DEPDC5: variants seen among roughly 807,000 people sequenced by gnomAD.
DEPDC5 encodes the protein DEP domain containing 5, GATOR1 subcomplex subunit, also known as GATOR1 complex protein DEPDC5.
In DEPDC5, 73 loss-of-function variants were observed where a neutral mutation model predicts 217.3. The observed-to-expected ratio is 0.34, with a 90% CI of 0.28 to 0.41. The LOEUF is 0.41. DEPDC5 is among the 10% of genes least tolerant of loss of function. DEPDC5 has a pLI of 1.00. For synonymous variants in DEPDC5, 733 were observed against 756.7 expected, an observed-to-expected ratio of 0.97 and a Z score of 0.51; for missense variants, 1,675 against 2,070.1, an observed-to-expected ratio of 0.81 and a Z score of 3.70.
chr22:31,820,567 T>C (rs1017945159), intron 22 of DEPDC5, among the ~76,000 whole-genome samples: 1 of 152,148 alleles, frequency 6.6e-6, no homozygotes. Flanking sequence ...CTAAACCCCG[T>C]TCTGCCCCCT....
At chr22:31,781,632 G>T (rs2084453765) in intron 8 of DEPDC5, among the ~76,000 whole-genome samples, 1 of 151,878 alleles carries the variant, frequency 6.6e-6, no homozygotes, top group Non-Finnish European at 1.5e-5. Context: ...GTTTCACCAT[G>T]TTGCCCAGGC....
At chr22:31,872,574 A>G (rs2092876291) in intron 34 of DEPDC5, among the ~76,000 whole-genome samples, 2 of 152,142 alleles carry the variant, frequency 1.3e-5, no homozygotes, top group Non-Finnish European at 2.9e-5. Flanking sequence ...TCAGGATTCA[A>G]TGAAGCTACC....
At chr22:31,810,273 G>T (rs539302707) in intron 19 of DEPDC5, among the ~76,000 whole-genome samples, 5 of 152,092 alleles carry the variant, frequency 3.3e-5, no homozygotes, top group African/African-American at 1.2e-4. Context: ...CCTTTATTTA[G>T]TGCTATACTA....
Position 31,810,806 on chromosome 22 carries a change from G to A in DEPDC5, c.1445+165G>A, listed in dbSNP as rs953189576. ...TTTTGTTTTTTTGAGATGGAGTTTC[G>A]CTCTTGTTGCCCAGGCTTGAGTGCA... On this transcript the variant is annotated intron_variant, in intron 20 of 42. Transcript: ENST00000651528. 31 of 1,131,932 alleles carry A rather than the reference G, an allele frequency of 2.7e-5. No individual in the cohort carries two copies. The African/African-American group carries it at 3.0e-4, about 11-fold the overall frequency. 70.1% of individuals were successfully genotyped at this position (1,131,932 alleles called of 1,614,324 possible).
At chr22:31,872,112 T>G (rs772658765) in intron 34 of DEPDC5, among the ~76,000 whole-genome samples, 75 of 152,242 alleles carry the variant, frequency 4.9e-4, no homozygotes, top group South Asian at 1.9e-3. Flanking sequence ...TTGAGGAGCT[T>G]CTGGATAAGC....
intron 8 of DEPDC5, among the ~76,000 whole-genome samples, chr22:31,781,881 T>C (rs1281192954): frequency 6.6e-6 from 1 of 151,554 alleles, no homozygotes; most frequent in African/African-American, 2.4e-5. Context: ...AAAAGAAAAA[T>C]TTAGCCAGGG....
chr22:31,903,080 C>G (rs1272864762), intron 41 of DEPDC5, among the ~76,000 whole-genome samples: 2 of 151,866 alleles, frequency 1.3e-5, no homozygotes, highest in African/African-American at 4.8e-5. Flanking sequence ...CACCTGTTTT[C>G]TGACCAGTCC....
At chr22:31,844,702 C>CTTTTTTT (rs136860) in intron 29 of DEPDC5, 1 of 130,418 alleles carries the variant, frequency 7.7e-6, no homozygotes, top group African/African-American at 5.4e-5. Flanking sequence ...CTTCAGAGCT[C>CTTTTTTT]TTTTTTTTTT....
intron 12 of DEPDC5, among the ~76,000 whole-genome samples, chr22:31,793,883 A>G (rs1291626701): frequency 6.6e-6 from 1 of 152,070 alleles, no homozygotes; most frequent in East Asian, 1.9e-4. Context: ...ACCACTATCT[A>G]ATTGAGATGA....
chr22:31,896,709 A>G lies in DEPDC5; in HGVS notation c.4204-773A>G, dbSNP rs548285016. Among the ~76,000 whole-genome samples the G allele has an allele frequency of 8.3e-4, 126 of 152,292 alleles. 2 individuals carry two copies. The Middle Eastern group carries it at 0.027, about 33-fold the overall frequency. ...GCCAGAGAGTGGCTCTCACTCTGTC[A>G]GGTCAGGGCTTACCATTATCAGAAG... On this transcript the variant is annotated intron_variant, in intron 39 of 42. Transcript: ENST00000651528.
At chr22:31,904,265 T>C (rs575182337) in intron 41 of DEPDC5, among the ~76,000 whole-genome samples, 3 of 152,224 alleles carry the variant, frequency 2.0e-5, no homozygotes, top group Admixed American at 6.5e-5. Context: ...CCCCTGCCCT[T>C]ACTGCGTTTC....
At chr22:31,863,307 C>G (rs996839003) in intron 33 of DEPDC5, among the ~76,000 whole-genome samples, 1 of 152,180 alleles carries the variant, frequency 6.6e-6, no homozygotes, top group African/African-American at 2.4e-5. Context: ...GCTAGGATTA[C>G]AGGTGTGCAC....
At chr22:31,890,874 C>T (rs2149362473) in intron 38 of DEPDC5, among the ~76,000 whole-genome samples, 1 of 151,872 alleles carries the variant, frequency 6.6e-6, no homozygotes, top group African/African-American at 2.4e-5. Flanking sequence ...TACAGGCATG[C>T]ATCACCACGC....
At chr22:31,760,565 A>G (rs757433183) in intron 3 of DEPDC5, 91 bp from the exon 4 acceptor site, 1 of 1,111,118 alleles carries the variant, frequency 9.0e-7, no homozygotes, top group Middle Eastern at 2.0e-4. Context: ...CAGAATGGCC[A>G]GAGTGACCTA....
At chr22:31,858,629 T>C (rs2092391800) in intron 32 of DEPDC5, 1 of 152,254 alleles carries the variant, frequency 6.6e-6, no homozygotes, top group East Asian at 1.9e-4. Context: ...AAAATAATTA[T>C]ATACTTTTTT....
At chr22:31,793,134 T>G (rs1214033989) in intron 12 of DEPDC5, among the ~76,000 whole-genome samples, 1 of 152,148 alleles carries the variant, frequency 6.6e-6, no homozygotes, top group Non-Finnish European at 1.5e-5. Flanking sequence ...GATTTTAGAT[T>G]TACAGAGAAG....
chr22:31,794,096 A>G (rs1194725047), intron 12 of DEPDC5, among the ~76,000 whole-genome samples: 2 of 152,204 alleles, frequency 1.3e-5, no homozygotes, highest in Non-Finnish European at 1.5e-5. Flanking sequence ...GTGGTGGAGC[A>G]TGGACCTGAC....
At chr22:31,862,610 A>G (rs1240632450) in intron 33 of DEPDC5, among the ~76,000 whole-genome samples, 1 of 152,226 alleles carries the variant, frequency 6.6e-6, no homozygotes, top group Non-Finnish European at 1.5e-5. Context: ...ATGAGAAAAG[A>G]AAAAGTTGTT....
At chr22:31,877,102 T>TCGAGATTGTGCAGTACAG (rs1307978161) in intron 37 of DEPDC5, among the ~76,000 whole-genome samples, 4 of 150,550 alleles carry the variant, frequency 2.7e-5, no homozygotes, top group Non-Finnish European at 1.5e-5. Flanking sequence ...GAGATTGTGC[T>TCGAGATTGTGCAGTACAG]GCTGTACTGC....
Sources: gnomAD v4.1 joint callset for allele counts (sites outside exome capture counted in the v4.1 genomes callset) on GRCh38, gnomAD v4.1.1 for gene constraint, MANE v1.5 for transcripts, NCBI Gene and HGNC (gene_info 2026-07-23, HGNC 2026-07-21) for gene names.